The following ENOX2 variants were observed in gnomAD, a reference collection of about 807,000 sequenced individuals.
ENOX2 encodes APK1 antigen.
A neutral mutation model predicts 45.0 loss-of-function variants in ENOX2; 36 were observed. The ratio of observed to expected loss-of-function variants is 0.80; its 90% CI spans 0.61 to 1.06. The LOEUF (loss-of-function observed/expected upper bound fraction) is 1.06, where lower values mean the gene tolerates loss of function less well. ENOX2 is among the 50% of genes least tolerant of loss of function. The pLI, the probability that ENOX2 is intolerant of heterozygous loss-of-function variation, is 0.00. For synonymous variants in ENOX2, 174 were observed against 152.3 expected (o/e 1.14, Z -1.05); for missense variants, 423 against 462.5 (o/e 0.91, Z 0.78).
chrX:130,874,909 A>T (rs887488848), intron 2 of ENOX2, among the ~76,000 whole-genome samples: 2 of 110,701 alleles, frequency 1.8e-5, no homozygotes, highest in Non-Finnish European at 3.8e-5. Context: ...GGGTCTGAGT[A>T]AAAAGAAACC....
chrX:130,845,458 T>C (rs2078084529), intron 2 of ENOX2, among the ~76,000 whole-genome samples: 1 of 112,319 alleles, frequency 8.9e-6, no homozygotes, highest in African/African-American at 3.2e-5. Flanking sequence ...ATAGTTTTGT[T>C]TGTTTGTTTG....
At chrX:130,713,951 A>G (rs1312476053) in intron 3 of ENOX2, among the ~76,000 whole-genome samples, 1 of 110,878 alleles carries the variant, frequency 9.0e-6, no homozygotes, top group Non-Finnish European at 1.9e-5. Flanking sequence ...AGTTAATGGC[A>G]TAGCTGCTGG....
At chrX:130,630,323 A>G (rs367772249) in intron 13 of ENOX2, among the ~76,000 whole-genome samples, 9 of 111,225 alleles carry the variant, frequency 8.1e-5, no homozygotes, top group African/African-American at 2.9e-4. Flanking sequence ...TTCTGGAGTG[A>G]TAAGAGTTAA....
intron 10 of ENOX2, among the ~76,000 whole-genome samples, chrX:130,654,192 G>A (rs1239451128): frequency 8.9e-6 from 1 of 112,009 alleles, no homozygotes; most frequent in East Asian, 2.8e-4. Flanking sequence ...TTGCTTTGAT[G>A]TGATTGTCCC....
At chrX:130,721,832 C>A (rs2038486418) in intron 3 of ENOX2, among the ~76,000 whole-genome samples, 2 of 112,120 alleles carry the variant, frequency 1.8e-5, no homozygotes, top group Non-Finnish European at 3.8e-5. Context: ...GACCTATTCT[C>A]TGGAACAGAA....
At chrX:130,841,658 T>C in intron 2 of ENOX2, among the ~76,000 whole-genome samples, 1 of 112,100 alleles carries the variant, frequency 8.9e-6, no homozygotes, top group Middle Eastern at 4.6e-3. Context: ...TTAACAACCA[T>C]CACCAACCAA....
chrX:130,719,904 A>G (rs1379391761), intron 3 of ENOX2, among the ~76,000 whole-genome samples: 1 of 112,187 alleles, frequency 8.9e-6, no homozygotes, highest in Non-Finnish European at 1.9e-5. Flanking sequence ...ATACTATAAT[A>G]TGCAGTTAAA....
intron 2 of ENOX2, among the ~76,000 whole-genome samples, chrX:130,799,982 T>G (rs2077191536): frequency 9.0e-6 from 1 of 111,597 alleles, no homozygotes; most frequent in South Asian, 3.8e-4. Flanking sequence ...ACAGTTTTTT[T>G]TTAATGATGT....
intron 10 of ENOX2, among the ~76,000 whole-genome samples, chrX:130,652,172 A>G (rs748440231): frequency 8.9e-6 from 1 of 111,841 alleles, no homozygotes; most frequent in East Asian, 2.8e-4. Flanking sequence ...GTTTCTCTCA[A>G]TTCCGATTTT....
intron 6 of ENOX2, among the ~76,000 whole-genome samples, chrX:130,675,120 T>C (rs1318327023): frequency 9.1e-6 from 1 of 109,722 alleles, no homozygotes; most frequent in African/African-American, 3.3e-5. Flanking sequence ...TTATAGTCCT[T>C]TGGGTATATA....
At chrX:130,670,759 G>A (rs759192811) in intron 6 of ENOX2, among the ~76,000 whole-genome samples, 2 of 107,808 alleles carry the variant, frequency 1.9e-5, no homozygotes, top group Non-Finnish European at 3.8e-5. Flanking sequence ...AGTGATGTGT[G>A]ACCCAGGTGA....
chrX:130,710,889 GC>G (rs1443751712), intron 3 of ENOX2, among the ~76,000 whole-genome samples: 5 of 112,084 alleles, frequency 4.5e-5, no homozygotes, highest in Non-Finnish European at 7.5e-5. Flanking sequence ...ACCATGGAAT[GC>G]TCATGGGTTG....
At chrX:130,662,738 T>C (rs1186297497) in intron 9 of ENOX2, among the ~76,000 whole-genome samples, 2 of 112,042 alleles carry the variant, frequency 1.8e-5, no homozygotes, top group Non-Finnish European at 3.8e-5. Flanking sequence ...GGCACCAATA[T>C]AAAGTGAAAG....
chrX:130,827,893 A>G (rs2077748466), intron 2 of ENOX2, among the ~76,000 whole-genome samples: 1 of 111,842 alleles, frequency 8.9e-6, no homozygotes, highest in Non-Finnish European at 1.9e-5. Context: ...ATTCCTGAAG[A>G]GTCATAATTC....
chrX:130,708,428 A>T (rs918252333), intron 3 of ENOX2, among the ~76,000 whole-genome samples: 1 of 112,117 alleles, frequency 8.9e-6, no homozygotes, highest in Non-Finnish European at 1.9e-5. Context: ...CACAGCTAGT[A>T]GGTAGTAGAG....
chrX:130,632,438 GACCTTTCATGGCTCTTTCTT>G, intron 12 of ENOX2, among the ~76,000 whole-genome samples: 1 of 99,640 alleles, frequency 1.0e-5, no homozygotes, highest in African/African-American at 3.6e-5. Flanking sequence ...AATACCTCCA[GACCTTTCATGGCTCTTTCTT>G]TCTCTCTTTG....
chrX:130,623,867 T>C lies in ENOX2; in HGVS notation c.*1447A>G. On this transcript the variant is annotated 3_prime_UTR_variant, in exon 15 of 15. Coordinates refer to ENST00000394363, the MANE Select transcript of ENOX2 (RefSeq NM_006375.4). ...CTGAGATAACTACTAATGGATTACT[T>C]AGAGCGTAAGTCATTAAAAACAGGA... The C allele has an allele frequency of 8.9e-6, 1 of 112,126 alleles. No individual in the cohort carries two copies. Among genetic ancestry groups the C allele is most frequent in the South Asian group, 3.7e-4 (1 of 2,669 alleles). The allele number at this position is 112,126 out of a possible 1,213,427, so 9.2% of individuals were successfully genotyped here.
intron 10 of ENOX2, among the ~76,000 whole-genome samples, chrX:130,647,487 T>A (rs961208036): frequency 1.3e-4 from 14 of 111,977 alleles, no homozygotes; most frequent in African/African-American, 4.2e-4. Flanking sequence ...CATGTGTAGG[T>A]TGCTGGTGTG....
intron 3 of ENOX2, among the ~76,000 whole-genome samples, chrX:130,750,937 C>A (rs752957353): frequency 1.8e-5 from 2 of 111,090 alleles, no homozygotes; most frequent in African/African-American, 6.6e-5. Context: ...ATAAGTGTCC[C>A]TCTCTCTGCC....
Sources: gnomAD v4.1 joint callset for allele counts (sites outside exome capture counted in the v4.1 genomes callset) on GRCh38, gnomAD v4.1.1 for gene constraint, MANE v1.5 for transcripts, NCBI Gene and HGNC (gene_info 2026-07-23, HGNC 2026-07-21) for gene names.